SETD1A: variants seen among roughly 807,000 people sequenced by gnomAD.
The protein encoded by SETD1A is SET domain containing 1A, histone lysine methyltransferase.
SETD1A carries 29 observed loss-of-function variants against 149.9 expected under a neutral mutation model. The observed-to-expected ratio is 0.19, with a 90% CI of 0.14 to 0.26. The LOEUF (loss-of-function observed/expected upper bound fraction) is 0.26. Among genes scored for constraint, SETD1A ranks in the 10% least tolerant of loss-of-function variants. The pLI, the probability that SETD1A is intolerant of heterozygous loss-of-function variation, is 1.00. For synonymous variants in SETD1A, 1,141 were observed against 968.5 expected (o/e 1.18, Z -3.31); for missense variants, 2,109 against 2,353.1 (o/e 0.90, Z 2.15).
At chr16:30,971,208 T>A (rs2056219416) in intron 12 of SETD1A, among the ~76,000 whole-genome samples, 170 bp from the exon 13 acceptor site, 2 of 152,186 alleles carry the variant, frequency 1.3e-5, no homozygotes, top group African/African-American at 2.4e-5. Flanking sequence ...CCCCGCATGC[T>A]GATGTTTATC....
chr16:30,967,070 A>G lies in SETD1A; in HGVS notation c.2682+10A>G, dbSNP rs374930289. The G allele has an allele frequency of 6.4e-7, 1 of 1,559,622 alleles. No homozygotes were observed. On this transcript the variant is annotated intron_variant, in intron 9 of 18. Coordinates refer to ENST00000262519, the MANE Select transcript of SETD1A (RefSeq NM_014712.3). The stretch of plus-strand genomic sequence containing the variant: ...GCTGCCTTCATTCAAGGTACTCAGA[A>G]CTGTCGTTTTGTGGGGTAGGGTGGG...
Position 30,981,193 on chromosome 16 carries a change from T to TCCCAG in SETD1A, c.4812+17_4812+21dup, listed in dbSNP as rs774511258. The TCCCAG allele has an allele frequency of 1.2e-6, 2 of 1,613,462 alleles. No homozygotes were observed. The highest frequency in any genetic ancestry group is 4.5e-5 in the East Asian group (2 of 44,872). ...GAACATCCGTCAGGTGAGGCTGCAC[T>TCCCAG]CCCAGCCCCGCCCCGGCTTCTGATG... On this transcript the variant is annotated intron_variant, in intron 17 of 18. Coordinates refer to ENST00000262519, the MANE Select transcript of SETD1A (RefSeq NM_014712.3).
At position 30,965,322 on chromosome 16, in the gene SETD1A, G is replaced by C. The variant is rs142363272; in HGVS notation, c.1580G>C (p.Gly527Ala). The C allele has an allele frequency of 2.5e-6, 4 of 1,614,116 alleles. No homozygotes were observed. Among genetic ancestry groups the C allele is most frequent in the Admixed American group, 3.3e-5 (2 of 60,008 alleles). ...ATGGTCCTTGGGGCCAGAGATACAGGGAGTGAGGTGCCTTCTGGGTCAGGG... is the reference window on the plus strand; with the variant it reads ...ATGGTCCTTGGGGCCAGAGATACAGCGAGTGAGGTGCCTTCTGGGTCAGGG... ...SSMVLGARDTGSEVPSGSGHG... is the reference protein window; with the variant it reads ...SSMVLGARDTASEVPSGSGHG... Residue 527 changes from glycine (G) to alanine (A), a missense_variant, in exon 7 of 19, where the codon GGG (glycine) becomes GCG (alanine). Coordinates refer to ENST00000262519, the MANE Select transcript of SETD1A (RefSeq NM_014712.3).
chr16:30,961,125 T>A lies in SETD1A; in HGVS notation c.247-142T>A. 1.3e-6 allele frequency: 1 copy of A among 765,988 alleles called. No individual in the cohort carries two copies. The highest frequency in any genetic ancestry group is 2.2e-6 in the Non-Finnish European group (1 of 445,172). 47.4% of individuals were successfully genotyped at this position (765,988 alleles called of 1,614,324 possible). A position where few individuals can be genotyped will look rare whatever the true frequency, so the allele number is the denominator to read the frequency against. On this transcript the variant is annotated intron_variant, in intron 3 of 18. Transcript: ENST00000262519. This position sits in a 1 kb window ranked among gnomAD's most constrained non-coding sequence, Gnocchi z 4.0. ...GGGAAAAGGGGTCAGGTCTGATGGA[T>A]CCCTTATTTTGGGCCCCTTCCCTTG...
At position 30,983,993 on chromosome 16, in the gene SETD1A, C is replaced by T; in HGVS notation, c.5094C>T (p.Gly1698=). Residue 1698 remains glycine (G), a synonymous_variant, in exon 19 of 19, where the codon GGC becomes GGT. Coordinates refer to ENST00000262519, the MANE Select transcript of SETD1A (RefSeq NM_014712.3). The surrounding 1 kb of genome is among the most constrained non-coding windows in gnomAD (Gnocchi z 6.8). Reference sequence around the variant, plus strand: ...ACAACAAGATCCCGTGTCTGTGTGGCACAGAGAGCTGCCGGGGCTCCCTAA... The same window carrying T: ...ACAACAAGATCCCGTGTCTGTGTGGTACAGAGAGCTGCCGGGGCTCCCTAA... The part of the protein sequence containing the change: ...LEDNKIPCLC[G]TESCRGSLN The T allele has an allele frequency of 6.2e-7, 1 of 1,613,848 alleles. No individual in the cohort carries two copies. The highest frequency in any genetic ancestry group is 8.5e-7 in the Non-Finnish European group (1 of 1,179,850).
rs747299209 is a variant in SETD1A at position 30,964,797 on chromosome 16, C to T, written c.1055C>T (p.Ser352Phe). 3.1e-6 allele frequency: 5 copies of T among 1,614,084 alleles called. No individual in the cohort carries two copies. Among genetic ancestry groups the T allele is most frequent in the African/African-American group, 1.3e-5 (1 of 74,934 alleles). The change falls in exon 7 of 19, where the codon TCT becomes TTT. Residue 352 changes from serine to phenylalanine, a missense_variant. By Grantham distance (155) the Ser-to-Phe change is radical (BLOSUM62 -2). Around this residue, in one of 8 missense-constraint regions of SETD1A, gnomAD observed 410 missense variants for 394.8 expected, o/e 1.04. Coordinates refer to ENST00000262519, the MANE Select transcript of SETD1A (RefSeq NM_014712.3). ...SSLSSSSSSS[S>F]SSSSSQFRSS... ...TTGTCCTCGTCCTCCTCGTCATCCT[C>T]TTCCTCCTCGTCCTCTCAGTTTCGT...
Position 30,971,378 on chromosome 16 carries a change from G to A in SETD1A, c.3017G>A (p.Gly1006Asp), listed in dbSNP as rs1407660282. The A allele has an allele frequency of 6.4e-7, 1 of 1,567,564 alleles. No homozygotes were observed. Among genetic ancestry groups the A allele is most frequent in the Non-Finnish European group, 8.7e-7 (1 of 1,151,392 alleles). The change falls in exon 13 of 19, where the codon GGC (glycine) becomes GAC (aspartate). Residue 1006 changes from glycine (G) to aspartate (D), a missense_variant and splice_region_variant. Physicochemically the swap from Gly to Asp is moderately conservative, Grantham distance 94 (BLOSUM62 -1). Around this residue, in one of 8 missense-constraint regions of SETD1A, gnomAD observed 832 missense variants for 815.6 expected, o/e 1.02. Transcript: ENST00000262519. ...CTGACTGCCCCTTCTGGATTTCCAGGCGAGGACGAGGAAAGCGATTCGTCT... is the reference window on the plus strand; with the variant it reads ...CTGACTGCCCCTTCTGGATTTCCAGACGAGGACGAGGAAAGCGATTCGTCT... ...TTKKETEVSD[G>D]EDEESDSSSK... is the part of the protein sequence containing the mutation.
In SETD1A at chr16:30,980,700, C is replaced by T. The variant is rs2056364093; in HGVS notation, c.4582-39C>T. Reference sequence around the variant, plus strand: ...GCCGCGTCCTCCTGCCACTCACTTCCCTGCCCTGCTCACCTCCTCCCTGCC... The same window carrying T: ...GCCGCGTCCTCCTGCCACTCACTTCTCTGCCCTGCTCACCTCCTCCCTGCC... On this transcript the variant is annotated intron_variant, in intron 15 of 18. Transcript: ENST00000262519. The surrounding 1 kb of genome is among the most constrained non-coding windows in gnomAD (Gnocchi z 7.7). The T allele has an allele frequency of 1.9e-6, 3 of 1,611,040 alleles. No homozygotes were observed. The Admixed American group carries it at 5.0e-5, about 27-fold the overall frequency.
chr16:30,976,108 G>A (rs1029119356), intron 13 of SETD1A, among the ~76,000 whole-genome samples: 1 of 152,064 alleles, frequency 6.6e-6, no homozygotes, highest in African/African-American at 2.4e-5. Context: ...CTTGGAAAGT[G>A]GAGAAAAGTT....
In SETD1A at chr16:30,965,849, C is replaced by A; in HGVS notation, c.1968C>A (p.Ile656=). Residue 656 remains isoleucine (I), a synonymous_variant, in exon 8 of 19, where the codon ATC becomes ATA. Transcript: ENST00000262519. ...CACCTCCTCCACCACCCCCGCACAT[C>A]TATGACTTTGTGAACTCCTTGGAGC... ...YPPPPPPPPH[I]YDFVNSLELM... 6.2e-7 allele frequency: 1 copy of A among 1,609,830 alleles called. No homozygotes were observed. The highest frequency in any genetic ancestry group is 8.5e-7 in the Non-Finnish European group (1 of 1,177,556).
At chr16:30,982,568 G>T (rs1228604655) in intron 17 of SETD1A, among the ~76,000 whole-genome samples, 1 of 152,096 alleles carries the variant, frequency 6.6e-6, no homozygotes, top group Non-Finnish European at 1.5e-5. Flanking sequence ...GGAACAGAGA[G>T]CCCAGACCGC....
chr16:30,971,968 T>C (rs2056231426), intron 13 of SETD1A, among the ~76,000 whole-genome samples: 1 of 152,226 alleles, frequency 6.6e-6, no homozygotes, highest in South Asian at 2.1e-4. Context: ...TGGTCTCTTC[T>C]CAAGTAAATT....
rs553756479 is a variant in SETD1A, at chr16:30,983,274, G to A, written c.4813-361G>A. On this transcript the variant is annotated intron_variant, in intron 17 of 18. Transcript: ENST00000262519. This position sits in a 1 kb window ranked among gnomAD's most constrained non-coding sequence, Gnocchi z 6.8. ...AGGGAGGAGAGATGAGCAGGGTGCC[G>A]TTGGTGACATGGCCAGTCATTTCAG... is the stretch of plus-strand genomic sequence containing the variant. Among the ~76,000 whole-genome samples, 51 of 152,294 alleles carry A rather than the reference G, an allele frequency of 3.3e-4. No individual in the cohort carries two copies. Among genetic ancestry groups the A allele is most frequent in the Admixed American group, 2.0e-3 (31 of 15,292 alleles).
At position 30,979,488 on chromosome 16, in the gene SETD1A, A is replaced by G. The variant is rs2056334504; in HGVS notation, c.3702A>G (p.Gly1234=). The G allele has an allele frequency of 6.2e-7, 1 of 1,600,500 alleles. No homozygotes were observed. Among genetic ancestry groups the G allele is most frequent in the Non-Finnish European group, 8.5e-7 (1 of 1,174,154 alleles). Reference sequence around the variant, plus strand: ...CCCGAGGAGGCCGGAGCCGGGCTGGAGGCCGAGGCCGCCTCACCGAGGAAG... The same window carrying G: ...CCCGAGGAGGCCGGAGCCGGGCTGGGGGCCGAGGCCGCCTCACCGAGGAAG... The part of the protein sequence containing the change: ...EVSRGGRSRA[G]GRGRLTEEEE... The change falls in exon 14 of 19, where the codon GGA becomes GGG. Residue 1234 remains glycine, a synonymous_variant. Transcript: ENST00000262519.
In SETD1A at chr16:30,971,685, G is replaced by A. The variant is rs762162678; in HGVS notation, c.3324G>A (p.Leu1108=). The change falls in exon 13 of 19, where the codon CTG becomes CTA. Residue 1108 remains leucine, a synonymous_variant. Coordinates refer to ENST00000262519, the MANE Select transcript of SETD1A (RefSeq NM_014712.3). ...ERVAGSPVTP[L]PEQEASPARP... The stretch of plus-strand genomic sequence containing the variant: ...TTGCAGGCTCCCCAGTCACACCCCT[G>A]CCCGAACAGGAGGCGTCTCCAGCAA... The A allele has an allele frequency of 1.3e-6, 2 of 1,591,242 alleles. No homozygotes were observed. Among genetic ancestry groups the A allele is most frequent in the South Asian group, 2.2e-5 (2 of 89,062 alleles).
rs749234393 is a variant in SETD1A at position 30,979,385 on chromosome 16, C to T, written c.3599C>T (p.Pro1200Leu). The T allele has an allele frequency of 4.3e-6, 7 of 1,612,364 alleles. 1 individual carries two copies. The Admixed American group carries it at 6.7e-5, about 15-fold the overall frequency. The change falls in exon 14 of 19, where the codon CCC (proline) becomes CTC (leucine). Residue 1200 changes from proline to leucine, a missense_variant. Coordinates refer to ENST00000262519, the MANE Select transcript of SETD1A (RefSeq NM_014712.3). ...CCCGGCCCAGCCTCCCGCAAGGCTCCCCGGGGCGTGGAGCGGACCATCCGC... is the reference window on the plus strand; with the variant it reads ...CCCGGCCCAGCCTCCCGCAAGGCTCTCCGGGGCGTGGAGCGGACCATCCGC... ...KFPGPASRKA[P>L]RGVERTIRNL...
At chr16:30,964,389 G>T (rs759367422) in intron 6 of SETD1A, 66 bp downstream of exon 6, 5 of 1,407,496 alleles carry the variant, frequency 3.6e-6, no homozygotes, top group Non-Finnish European at 5.0e-6. Flanking sequence ...GGAAGAAGAT[G>T]CCCAGAGTCT....
intron 4 of SETD1A, among the ~76,000 whole-genome samples, chr16:30,962,671 A>G (rs2056070734): frequency 1.3e-5 from 2 of 152,238 alleles, no homozygotes; most frequent in Admixed American, 1.3e-4. Context: ...AGGGCCGGGC[A>G]TGCGGTGGCT....
intron 3 of SETD1A, 26 bp downstream of exon 3, chr16:30,959,212 T>C (rs2056012187): frequency 1.4e-6 from 2 of 1,441,120 alleles, no homozygotes; most frequent in Non-Finnish European, 2.0e-6. Flanking sequence ...GCTCCTGGTG[T>C]GGTAGTCCTA....
Sources: allele counts gnomAD v4.1 joint callset (sites outside exome capture counted in the v4.1 genomes callset), GRCh38; gene constraint gnomAD v4.1.1; regional missense constraint gnomAD v4.1.1; non-coding constraint Gnocchi (gnomAD v3.1); transcripts MANE v1.5; gene names NCBI Gene and HGNC (gene_info 2026-07-23, HGNC 2026-07-21).